CDH18: variants seen among roughly 807,000 people sequenced by gnomAD.
The protein encoded by CDH18 is cadherin 18.
A neutral mutation model predicts 67.9 loss-of-function variants in CDH18; 31 were observed. The ratio of observed to expected loss-of-function variants is 0.46; its 90% CI spans 0.34 to 0.62. The LOEUF (loss-of-function observed/expected upper bound fraction) is 0.62, where lower values mean the gene tolerates loss of function less well. CDH18 is among the 20% of genes least tolerant of loss of function. The pLI, the probability that CDH18 is intolerant of heterozygous loss-of-function variation, is 0.01. For missense variants in CDH18, 890 were observed against 975.5 expected (o/e 0.91, Z 1.17); for synonymous variants, 362 against 347.2 (o/e 1.04, Z -0.48).
At chr5:19,756,308 G>A (rs923853676) in intron 3 of CDH18, among the ~76,000 whole-genome samples, 6 of 152,156 alleles carry the variant, frequency 3.9e-5, no homozygotes, top group African/African-American at 7.2e-5. Flanking sequence ...AAAGAAGGAG[G>A]AAATACTCAT....
intron 5 of CDH18, among the ~76,000 whole-genome samples, chr5:19,705,410 C>A (rs1763825666): frequency 6.6e-6 from 1 of 152,142 alleles, no homozygotes; most frequent in Non-Finnish European, 1.5e-5. Flanking sequence ...ACGACCTGCC[C>A]TAGGCATTCC....
intron 1 of CDH18, among the ~76,000 whole-genome samples, chr5:20,519,570 T>C (rs1477784616): frequency 6.6e-6 from 1 of 151,998 alleles, no homozygotes; most frequent in Non-Finnish European, 1.5e-5. Flanking sequence ...TGTATACATA[T>C]GTAACAAACC....
At chr5:19,934,857 A>G (rs955440418) in intron 2 of CDH18, among the ~76,000 whole-genome samples, 1 of 151,428 alleles carries the variant, frequency 6.6e-6, no homozygotes, top group African/African-American at 2.4e-5. Flanking sequence ...ATGGTCTTTC[A>G]TATTTTATTT....
At chr5:19,702,140 TTC>T (rs1307872241) in intron 5 of CDH18, among the ~76,000 whole-genome samples, 1 of 122,150 alleles carries the variant, frequency 8.2e-6, no homozygotes, top group African/African-American at 3.4e-5. Flanking sequence ...CTTTCTTTCT[TTC>T]TCTCTCTTTT....
At chr5:20,279,915 T>A (rs1256002057) in intron 1 of CDH18, among the ~76,000 whole-genome samples, 8 of 151,914 alleles carry the variant, frequency 5.3e-5, no homozygotes, top group Non-Finnish European at 7.4e-5. Context: ...CACTTCAGAA[T>A]ACACATTGTT....
At chr5:20,494,132 A>C (rs1289685647) in intron 1 of CDH18, among the ~76,000 whole-genome samples, 1 of 152,142 alleles carries the variant, frequency 6.6e-6, no homozygotes, top group East Asian at 1.9e-4. Context: ...ACAGACTGGA[A>C]ACTAGTTATG....
At chr5:19,911,511 T>C (rs918267097) in intron 2 of CDH18, among the ~76,000 whole-genome samples, 1 of 152,008 alleles carries the variant, frequency 6.6e-6, no homozygotes, top group Non-Finnish European at 1.5e-5. Flanking sequence ...AAATGGGATC[T>C]TTTGGAGTAA....
At chr5:19,840,288 G>GAAAAAAAAAAAAAAAAAAAAAAAAAAAA (rs70954608) in intron 2 of CDH18, among the ~76,000 whole-genome samples, 1 of 128,056 alleles carries the variant, frequency 7.8e-6, no homozygotes, top group Non-Finnish European at 1.6e-5. Context: ...AAAAAAAAAA[G>GAAAAAAAAAAAAAAAAAAAAAAAAAAAA]AAAAAAAAAA....
chr5:19,527,155 A>G (rs2126950794), intron 9 of CDH18, among the ~76,000 whole-genome samples: 1 of 151,970 alleles, frequency 6.6e-6, no homozygotes, highest in Admixed American at 6.6e-5. Context: ...TCTTTAATAA[A>G]CATGTAACAA....
At chr5:20,521,060 C>A (rs1755712560) in intron 1 of CDH18, among the ~76,000 whole-genome samples, 1 of 152,002 alleles carries the variant, frequency 6.6e-6, no homozygotes, top group Non-Finnish European at 1.5e-5. Flanking sequence ...AAAATAGTGC[C>A]TCAAGGGAAA....
chr5:19,642,262 T>C (rs571443239), intron 5 of CDH18, among the ~76,000 whole-genome samples: 184 of 152,010 alleles, frequency 1.2e-3, no homozygotes, highest in African/African-American at 4.3e-3. Context: ...CCCAAAGTGG[T>C]CTACAGATTC....
chr5:20,093,401 C>T (rs915869688), intron 2 of CDH18, among the ~76,000 whole-genome samples: 6 of 150,812 alleles, frequency 4.0e-5, no homozygotes, highest in Admixed American at 1.3e-4. Flanking sequence ...AGGTAATACA[C>T]GTATACAAAA....
chr5:20,562,070 G>C (rs1461977634), intron 1 of CDH18, among the ~76,000 whole-genome samples: 5 of 151,772 alleles, frequency 3.3e-5, no homozygotes, highest in Non-Finnish European at 7.4e-5. Flanking sequence ...ATTTAGAGAA[G>C]TTTAATTATA....
At chr5:19,802,352 T>C (rs1462869451) in intron 3 of CDH18, among the ~76,000 whole-genome samples, 6 of 152,126 alleles carry the variant, frequency 3.9e-5, no homozygotes, top group African/African-American at 1.2e-4. Flanking sequence ...GTTTTATATA[T>C]ATAACCTGAC....
At chr5:20,549,209 C>T (rs1161256153) in intron 1 of CDH18, among the ~76,000 whole-genome samples, 1 of 152,098 alleles carries the variant, frequency 6.6e-6, no homozygotes, top group Non-Finnish European at 1.5e-5. Context: ...CTTTGAAATA[C>T]AACAATGAAA....
intron 1 of CDH18, among the ~76,000 whole-genome samples, chr5:20,351,732 T>G: frequency 6.6e-6 from 1 of 152,154 alleles, no homozygotes; most frequent in South Asian, 2.1e-4. Context: ...GATGGCAATC[T>G]ATTTATGCTG....
At chr5:19,760,642 GTCC>G (rs1261408315) in intron 3 of CDH18, among the ~76,000 whole-genome samples, 2 of 152,080 alleles carry the variant, frequency 1.3e-5, no homozygotes, top group African/African-American at 4.8e-5. Context: ...CCCCATGCCT[GTCC>G]TCCAGATTTC....
intron 11 of CDH18, among the ~76,000 whole-genome samples, chr5:19,487,461 A>T (rs1204102124): frequency 6.6e-6 from 1 of 152,206 alleles, no homozygotes; most frequent in East Asian, 1.9e-4. Context: ...ACCTTAAAAA[A>T]TAGTTTGGAA....
intron 1 of CDH18, among the ~76,000 whole-genome samples, chr5:20,478,462 A>G (rs1379085181): frequency 6.6e-6 from 1 of 152,068 alleles, no homozygotes; most frequent in Non-Finnish European, 1.5e-5. Flanking sequence ...GAAGGTGGCC[A>G]TGCAGTAACT....
Sources: allele counts gnomAD v4.1 joint callset (sites outside exome capture counted in the v4.1 genomes callset), GRCh38; gene constraint gnomAD v4.1.1; transcripts MANE v1.5; gene names NCBI Gene and HGNC (gene_info 2026-07-23, HGNC 2026-07-21).